The following DCDC1 variants were observed in gnomAD, a reference collection of about 807,000 sequenced individuals.
The protein encoded by DCDC1 is doublecortin domain containing 1.
DCDC1 carries 200 observed loss-of-function variants against 178.3 expected under a neutral mutation model. The observed-to-expected ratio is 1.12, with a 90% confidence interval of 1.00 to 1.26. The LOEUF (loss-of-function observed/expected upper bound fraction) is 1.26, where lower values mean the gene tolerates loss of function less well. Ranked by LOEUF, DCDC1 falls within the 50% of genes most tolerant of loss-of-function variation. The probability of loss-of-function intolerance (pLI) is 0.00; values close to 1 mark genes in which losing one functional copy is unlikely to be tolerated. For synonymous variants in DCDC1, 690 were observed against 604.8 expected, an observed-to-expected ratio of 1.14 and a Z score of -2.07; for missense variants, 1,983 against 1,749.2, an observed-to-expected ratio of 1.13 and a Z score of -2.38.
At chr11:31,369,476 C>T (rs762873055) in intron 1 of DCDC1, among the ~76,000 whole-genome samples, 1 of 152,094 alleles carries the variant, frequency 6.6e-6, no homozygotes, top group Non-Finnish European at 1.5e-5. Flanking sequence ...CATCCTTGCC[C>T]CCGCACCCCT....
intron 20 of DCDC1, among the ~76,000 whole-genome samples, chr11:31,017,200 T>C (rs1952534318): frequency 6.6e-6 from 1 of 152,064 alleles, no homozygotes; most frequent in South Asian, 2.1e-4. Flanking sequence ...ACAACACAAA[T>C]TTGAGCTTTG....
rs749988212 is a variant in DCDC1, at chr11:30,920,876, G to A, written c.3193C>T (p.Pro1065Ser). ...VSGSKLAVHKPVAIFGEEKQV... is the reference protein window; with the variant it reads ...VSGSKLAVHKSVAIFGEEKQV... Reference sequence around the variant, plus strand: ...TTCTCTTCTCCAAAAATTGCTACAGGTTTATGCACAGCAAGCTTGCTTCCA... The same window carrying A: ...TTCTCTTCTCCAAAAATTGCTACAGATTTATGCACAGCAAGCTTGCTTCCA... Residue 1065 changes from proline (P) to serine (S), a missense_variant, in exon 25 of 39, where the codon CCT (proline) becomes TCT (serine). Coordinates refer to ENST00000684477, the MANE Select transcript of DCDC1 (RefSeq NM_001387274.1). 4 of 1,613,274 alleles carry A rather than the reference G, an allele frequency of 2.5e-6. No individual in the cohort carries two copies. The East Asian group carries it at 6.7e-5, about 27-fold the overall frequency.
intron 30 of DCDC1, chr11:30,906,285 A>G: frequency 2.6e-6 from 1 of 379,798 alleles, no homozygotes; most frequent in Non-Finnish European, 4.7e-6. Context: ...GAGAACAGTG[A>G]AATATGTCAG....
Position 31,301,765 on chromosome 11 carries a change from T to G in DCDC1, c.754+3850A>C, listed in dbSNP as rs116550715. 5.7e-3 allele frequency among the ~76,000 whole-genome samples: 869 copies of G among 152,294 alleles called. 8 individuals are homozygous for G. Among genetic ancestry groups the G allele is most frequent in the African/African-American group, 0.02 (837 of 41,562 alleles). On this transcript the variant is annotated intron_variant, in intron 6 of 38. Transcript: ENST00000684477. Reference sequence around the variant, plus strand: ...CCATCATTTCACTGACACTTCTACATGAAAAGATGGCCTATTTTAAATGTG... The same window carrying G: ...CCATCATTTCACTGACACTTCTACAGGAAAAGATGGCCTATTTTAAATGTG...
chr11:30,884,888 A>G (rs1207430378), intron 36 of DCDC1, among the ~76,000 whole-genome samples: 1 of 152,100 alleles, frequency 6.6e-6, no homozygotes, highest in Non-Finnish European at 1.5e-5. Flanking sequence ...TTAATAGTCT[A>G]ATACAACTTC....
chr11:30,938,970 C>G (rs1273797980), intron 21 of DCDC1, among the ~76,000 whole-genome samples: 1 of 152,038 alleles, frequency 6.6e-6, no homozygotes, highest in African/African-American at 2.4e-5. Context: ...GTTTCTTTTA[C>G]ACCCTGTGAG....
intron 18 of DCDC1, among the ~76,000 whole-genome samples, chr11:31,075,944 C>T (rs1956837829): frequency 6.6e-6 from 1 of 152,194 alleles, no homozygotes; most frequent in Non-Finnish European, 1.5e-5. Flanking sequence ...ACCACAACCT[C>T]CGCCTCCCGG....
Position 30,881,255 on chromosome 11 carries a change from C to T in DCDC1, c.5136G>A (p.Leu1712=), listed in dbSNP as rs1159880160. ...RLKMTHPARA[L]YTPSGEPIQS... is the part of the protein sequence containing the mutation. ...GAATTGGCTCTCCACTGGGGGTGTA[C>T]AGTGCTCTAGCTGGGTGGGTCATTT... The change falls in exon 37 of 39, where the codon CTG becomes CTA. Residue 1712 remains leucine, a synonymous_variant. Transcript: ENST00000684477. The T allele has an allele frequency of 6.2e-7, 1 of 1,613,534 alleles. No individual in the cohort carries two copies. Among genetic ancestry groups the T allele is most frequent in the Middle Eastern group, 1.7e-4 (1 of 6,052 alleles).
At chr11:30,973,399 C>G (rs1949923034) in intron 20 of DCDC1, among the ~76,000 whole-genome samples, 1 of 151,938 alleles carries the variant, frequency 6.6e-6, no homozygotes, top group Admixed American at 6.6e-5. Context: ...TCTCCAGAAG[C>G]CAAGCAGAAG....
At chr11:30,948,701 C>T (rs534881817) in intron 21 of DCDC1, among the ~76,000 whole-genome samples, 1 of 152,274 alleles carries the variant, frequency 6.6e-6, no homozygotes, top group Non-Finnish European at 1.5e-5. Flanking sequence ...AATAACACCA[C>T]ACATCTAAAA....
chr11:30,936,517 C>A (rs1432707847), intron 21 of DCDC1, among the ~76,000 whole-genome samples: 1 of 152,136 alleles, frequency 6.6e-6, no homozygotes, highest in Non-Finnish European at 1.5e-5. Context: ...CCTTCCTAAG[C>A]TCATGCAGTT....
intron 20 of DCDC1, among the ~76,000 whole-genome samples, chr11:30,978,217 T>C (rs890837239): frequency 6.6e-6 from 1 of 152,234 alleles, no homozygotes; most frequent in East Asian, 1.9e-4. Context: ...ATCTGAAGAC[T>C]TAATGTGACC....
At chr11:31,255,199 T>C (rs1944330933) in intron 8 of DCDC1, among the ~76,000 whole-genome samples, 1 of 152,228 alleles carries the variant, frequency 6.6e-6, no homozygotes, top group Admixed American at 6.5e-5. Context: ...GACATTTGGC[T>C]TCATGAACAT....
chr11:31,357,432 G>A (rs1311819931), intron 1 of DCDC1, among the ~76,000 whole-genome samples: 8 of 150,752 alleles, frequency 5.3e-5, no homozygotes, highest in South Asian at 2.1e-4. Flanking sequence ...TTGATGGGAC[G>A]TATCTCAAAA....
chr11:31,227,113 T>C (rs745430299), intron 9 of DCDC1, among the ~76,000 whole-genome samples: 28 of 152,218 alleles, frequency 1.8e-4, no homozygotes, highest in African/African-American at 6.0e-4. Context: ...CAAAAAGATA[T>C]AGCTAATAAG....
At chr11:31,302,827 G>A (rs1948203551) in intron 6 of DCDC1, among the ~76,000 whole-genome samples, 1 of 149,120 alleles carries the variant, frequency 6.7e-6, no homozygotes, top group Non-Finnish European at 1.5e-5. Flanking sequence ...AGTAAATCTG[G>A]AAATCGTTCT....
chr11:31,168,589 G>A lies in DCDC1; in HGVS notation c.1222-30805C>T, dbSNP rs1449044185. On this transcript the variant is annotated intron_variant, in intron 9 of 38. Coordinates refer to ENST00000684477, the MANE Select transcript of DCDC1 (RefSeq NM_001387274.1). ...GGGGACAAGTCGGAGAAAATCCTTT[G>A]AGGAAGCAGTTTTCTACAAACTAGG... Among the ~76,000 whole-genome samples the A allele has an allele frequency of 3.3e-5, 5 of 152,310 alleles. No homozygotes were observed. In the East Asian group the frequency reaches 5.8e-4, roughly 18 times the overall value.
At chr11:31,053,109 G>A (rs1429063859) in intron 20 of DCDC1, among the ~76,000 whole-genome samples, 1 of 152,008 alleles carries the variant, frequency 6.6e-6, no homozygotes, top group Non-Finnish European at 1.5e-5. Flanking sequence ...AGAAAAGAGA[G>A]AGAATATCCA....
At chr11:30,986,326 T>C (rs1346794313) in intron 20 of DCDC1, among the ~76,000 whole-genome samples, 7 of 145,044 alleles carry the variant, frequency 4.8e-5, no homozygotes, top group African/African-American at 1.4e-4. Context: ...TTCCACATTT[T>C]TCTCTCTCTC....
Sources: allele counts gnomAD v4.1 joint callset (sites outside exome capture counted in the v4.1 genomes callset), GRCh38; gene constraint gnomAD v4.1.1; transcripts MANE v1.5; gene names NCBI Gene and HGNC (gene_info 2026-07-23, HGNC 2026-07-21).